The following SMCO1 variants were observed in gnomAD, a reference collection of about 807,000 sequenced individuals.
SMCO1 encodes single-pass membrane protein with coiled-coil domains 1.
A neutral mutation model predicts 7.5 loss-of-function variants in SMCO1; 9 were observed. That is an observed-to-expected ratio of 1.20 (90% CI 0.72 to 2.09). SMCO1 has a LOEUF of 2.09. Among genes scored for constraint, SMCO1 ranks in the 30% most tolerant of loss-of-function variants. SMCO1 has a pLI of 0.00. For missense variants in SMCO1, 219 were observed against 253.1 expected (o/e 0.87, Z 0.91); for synonymous variants, 90 against 93.8 (o/e 0.96, Z 0.23).
chr3:196,518,035 A>T (rs571833118), upstream of SMCO1, among the ~76,000 whole-genome samples: 1 of 152,376 alleles, frequency 6.6e-6, no homozygotes, highest in East Asian at 1.9e-4. Flanking sequence ...AGGTTCACCC[A>T]ATATGGCAGT....
At chr3:196,512,660 A>T (rs550693942) in intron 1 of SMCO1, among the ~76,000 whole-genome samples, 80 of 151,298 alleles carry the variant, frequency 5.3e-4, no homozygotes, top group Non-Finnish European at 9.7e-4. Flanking sequence ...TACAGGCGCC[A>T]CCACATCCGG....
In SMCO1 at chr3:196,509,591, G is replaced by A. The variant is rs1446096160; in HGVS notation, c.129C>T (p.Phe43=). 10 of 1,613,840 alleles carry A rather than the reference G, an allele frequency of 6.2e-6. No individual in the cohort carries two copies. Among genetic ancestry groups the A allele is most frequent in the East Asian group, 2.2e-5 (1 of 44,888 alleles). Residue 43 remains phenylalanine (F), a synonymous_variant, in exon 2 of 3, where the codon TTC becomes TTT. Coordinates refer to ENST00000397537, the MANE Select transcript of SMCO1 (RefSeq NM_001077657.3). The stretch of plus-strand genomic sequence containing the variant: ...TTGCCAAAGCCTTACTATGATGTTC[G>A]AATTTCTGCATCAGGTTATCCTTGG... ...DFTKDNLMQK[F]EHHSKALASQ...
At chr3:196,517,104 C>CAAAAAAAAAAAAAAAA (rs56104987), upstream of SMCO1, among the ~76,000 whole-genome samples, 2 of 35,736 alleles carry the variant, frequency 5.6e-5, 1 homozygote, top group African/African-American at 3.2e-4. Context: ...GACTCCATCG[C>CAAAAAAAAAAAAAAAA]AAAAAAAAAA....
upstream of SMCO1, among the ~76,000 whole-genome samples, chr3:196,519,971 G>T (rs1033214899): frequency 2.0e-5 from 3 of 152,106 alleles, no homozygotes; most frequent in African/African-American, 7.2e-5. Context: ...TCTCCACCCT[G>T]GGTCACACAC....
rs63105160 is a variant in SMCO1 at position 196,513,627 on chromosome 3, CAAAAAAA to C, written c.50+1526_50+1532del. ...CTGGTGACAGAGTGAGACTCTGTCT[CAAAAAAA>C]AAAAAAAAAAAAAAGCCATTTGGCA... On this transcript the variant is annotated intron_variant, in intron 1 of 2. Coordinates refer to ENST00000397537, the MANE Select transcript of SMCO1 (RefSeq NM_001077657.3). Among the ~76,000 whole-genome samples, 370 of 93,788 alleles carry C rather than the reference CAAAAAAA, an allele frequency of 3.9e-3. 2 individuals carry two copies. The highest frequency in any genetic ancestry group is 0.014 in the African/African-American group (349 of 24,506). 61.5% of individuals were successfully genotyped at this position (93,788 alleles called of 152,430 possible). A position where few individuals can be genotyped will look rare whatever the true frequency, so the allele number is the denominator to read the frequency against.
At chr3:196,511,536 G>C (rs1733231298) in intron 1 of SMCO1, among the ~76,000 whole-genome samples, 1 of 76,976 alleles carries the variant, frequency 1.3e-5, no homozygotes, top group African/African-American at 1.0e-4. Context: ...CACCTAGATT[G>C]TCCTTATGAG....
At chr3:196,509,814 G>A in intron 1 of SMCO1, 145 bp from the exon 2 acceptor site, 3 of 588,520 alleles carry the variant, frequency 5.1e-6, no homozygotes, top group Non-Finnish European at 2.8e-6. Flanking sequence ...AAACTATGAA[G>A]GGAAAATGGG....
In SMCO1 at chr3:196,508,235, C is replaced by T. The variant is rs370083310; in HGVS notation, c.297G>A (p.Val99=). 475 of 1,614,092 alleles carry T rather than the reference C, an allele frequency of 2.9e-4. No individual in the cohort carries two copies. Among genetic ancestry groups the T allele is most frequent in the Non-Finnish European group, 3.7e-4 (434 of 1,179,966 alleles). Residue 99 remains valine, a synonymous_variant, in exon 3 of 3, where the codon GTG becomes GTA. Transcript: ENST00000397537. ...TRVLEKLPDL[V]RGLPTLASVL... The stretch of plus-strand genomic sequence containing the variant: ...CAGAGGCTAAGGTTGGAAGACCTCT[C>T]ACCAGGTCTGGCAGCTTCTCAAGCA...
Position 196,507,683 on chromosome 3 carries a change from ATCACT to A in SMCO1, c.*199_*203del, listed in dbSNP as rs1208202904. On this transcript the variant is annotated 3_prime_UTR_variant, in exon 3 of 3. Coordinates refer to ENST00000397537, the MANE Select transcript of SMCO1 (RefSeq NM_001077657.3). ...TTTGAAAACAACAATACATTTGGTG[ATCACT>A]TCATATCATTACACAAAGAGCTTCT... 2.3e-6 allele frequency: 1 copy of A among 429,242 alleles called. No homozygotes were observed. Among genetic ancestry groups the A allele is most frequent in the Non-Finnish European group, 4.2e-6 (1 of 240,852 alleles). The allele number at this position is 429,242 out of a possible 1,614,324, so 26.6% of individuals were successfully genotyped here. A position where few individuals can be genotyped will look rare whatever the true frequency, so the allele number is the denominator to read the frequency against.
intron 2 of SMCO1, among the ~76,000 whole-genome samples, chr3:196,508,994 G>T (rs1173433915): frequency 6.7e-6 from 1 of 149,566 alleles, no homozygotes; most frequent in Non-Finnish European, 1.5e-5. Context: ...GCAAGCAAGA[G>T]ACTTTGTGAT....
At chr3:196,517,400 C>T (rs9822991), upstream of SMCO1, among the ~76,000 whole-genome samples, 4,784 of 152,146 alleles carry the variant, frequency 0.031, 276 homozygotes, top group African/African-American at 0.11. Flanking sequence ...ACCCACCAAC[C>T]TCTAGGAAAT....
upstream of SMCO1, among the ~76,000 whole-genome samples, chr3:196,519,270 C>A (rs756567921): frequency 3.5e-4 from 53 of 152,208 alleles, no homozygotes; most frequent in Non-Finnish European, 7.3e-5. Flanking sequence ...AGGGCCTCCC[C>A]TTTCCCACAC....
intron 1 of SMCO1, among the ~76,000 whole-genome samples, chr3:196,513,970 G>A (rs956512845): frequency 2.6e-5 from 4 of 152,036 alleles, no homozygotes; most frequent in Non-Finnish European, 5.9e-5. Context: ...TTCTTCCCCT[G>A]ATTTATGTCT....
chr3:196,510,903 G>A (rs1733202874), intron 1 of SMCO1, among the ~76,000 whole-genome samples: 1 of 152,224 alleles, frequency 6.6e-6, no homozygotes, highest in South Asian at 2.1e-4. Context: ...CATCTTTGAT[G>A]AGAATGAAAT....
rs1395384293 is a variant in SMCO1 at position 196,509,564 on chromosome 3, G to T, written c.156C>A (p.Ser52Arg). 1 of 1,613,952 alleles carries T rather than the reference G, an allele frequency of 6.2e-7. No homozygotes were observed. The stretch of plus-strand genomic sequence containing the variant: ...TCCACATCTCATCTTGGGCTGCTTG[G>T]CTTGCCAAAGCCTTACTATGATGTT... ...KFEHHSKALA[S>R]QAAQDEMWTA... is the part of the protein sequence containing the mutation. The change falls in exon 2 of 3, where the codon AGC (serine) becomes AGA (arginine). Residue 52 changes from serine (S) to arginine (R), a missense_variant. By Grantham distance (110) the Ser-to-Arg change is moderately radical. Coordinates refer to ENST00000397537, the MANE Select transcript of SMCO1 (RefSeq NM_001077657.3).
Position 196,508,183 on chromosome 3 carries a change from G to T in SMCO1, c.349C>A (p.Arg117Ser). 1.2e-6 allele frequency: 2 copies of T among 1,614,118 alleles called. No homozygotes were observed. Among genetic ancestry groups the T allele is most frequent in the Non-Finnish European group, 1.7e-6 (2 of 1,180,034 alleles). ...ATGGACTCCCATACAACTCTAACGCGCTTGTTCTTAACTTTTCTTCTGAGT... is the reference window on the plus strand; with the variant it reads ...ATGGACTCCCATACAACTCTAACGCTCTTGTTCTTAACTTTTCTTCTGAGT... Reference protein sequence around the residue: ...SVLRRKVKNKRVRVVWESILE... With the variant: ...SVLRRKVKNKSVRVVWESILE... The change falls in exon 3 of 3, where the codon CGC becomes AGC. Residue 117 changes from arginine to serine, a missense_variant. Physicochemically the swap from Arg to Ser is moderately radical, Grantham distance 110. Coordinates refer to ENST00000397537, the MANE Select transcript of SMCO1 (RefSeq NM_001077657.3).
intron 1 of SMCO1, among the ~76,000 whole-genome samples, chr3:196,512,509 C>CTTTTT (rs36023059): frequency 4.5e-3 from 511 of 113,908 alleles, no homozygotes; most frequent in Middle Eastern, 0.014. Flanking sequence ...TATTTCCTTT[C>CTTTTT]TTTTTTTTTT....
chr3:196,509,029 A>G (rs1392619074), intron 2 of SMCO1, among the ~76,000 whole-genome samples: 1 of 151,244 alleles, frequency 6.6e-6, no homozygotes, highest in Non-Finnish European at 1.5e-5. Context: ...AGTGCCTGGC[A>G]TATAAAGAGA....
upstream of SMCO1, among the ~76,000 whole-genome samples, chr3:196,517,910 AAG>A (rs1350714927): frequency 6.6e-6 from 1 of 152,238 alleles, no homozygotes; most frequent in Non-Finnish European, 1.5e-5. Flanking sequence ...TTTAATAAAA[AAG>A]CAGCCCCCGC....
Sources: gnomAD v4.1 joint callset for allele counts (sites outside exome capture counted in the v4.1 genomes callset) on GRCh38, gnomAD v4.1.1 for gene constraint, MANE v1.5 for transcripts, NCBI Gene and HGNC (gene_info 2026-07-23, HGNC 2026-07-21) for gene names.